Variants in MYO7A observed in about 807,000 individuals in gnomAD.
MYO7A encodes the protein myosin VIIA.
In MYO7A, 210 loss-of-function variants were observed where a neutral mutation model predicts 263.8. That is an observed-to-expected ratio of 0.80 (90% CI 0.71 to 0.89). The LOEUF is 0.89. Among genes scored for constraint, MYO7A ranks in the 40% least tolerant of loss-of-function variants. The pLI, the probability that MYO7A is intolerant of heterozygous loss-of-function variation, is 0.00. For synonymous variants in MYO7A, 1,239 were observed against 1,197.3 expected, an observed-to-expected ratio of 1.03 and a Z score of -0.72; for missense variants, 2,820 against 2,968.3, an observed-to-expected ratio of 0.95 and a Z score of 1.16.
intron 36 of MYO7A, 145 bp downstream of exon 36, chr11:77,201,783 G>A: frequency 1.0e-6 from 1 of 1,000,530 alleles, no homozygotes; most frequent in East Asian, 2.8e-5. Flanking sequence ...TTAAAGTTGG[G>A]GCAGTGCTCA....
chr11:77,191,447 T>C (rs974738535), intron 30 of MYO7A, among the ~76,000 whole-genome samples: 5 of 152,202 alleles, frequency 3.3e-5, no homozygotes, highest in Non-Finnish European at 7.3e-5. Context: ...AGGAAGAGCA[T>C]GGCACAGGCT....
chr11:77,168,382 C>T (rs1213179601), intron 15 of MYO7A, among the ~76,000 whole-genome samples: 1 of 152,240 alleles, frequency 6.6e-6, no homozygotes, highest in African/African-American at 2.4e-5. Context: ...ATACCAGTTA[C>T]ATCTACTGGG....
chr11:77,175,575 G>A, intron 18 of MYO7A, 111 bp downstream of exon 18: 1 of 1,037,748 alleles, frequency 9.6e-7, no homozygotes, highest in Non-Finnish European at 1.5e-6. Flanking sequence ...GATCCTTTCT[G>A]CCGGGCTGTG....
At chr11:77,129,999 G>A (rs535075304) in intron 1 of MYO7A, among the ~76,000 whole-genome samples, 16 of 152,030 alleles carry the variant, frequency 1.1e-4, no homozygotes, top group African/African-American at 3.6e-4. Flanking sequence ...GCCCAGGTGC[G>A]GTGCATTCAG....
chr11:77,177,707 C>T (rs1181713651), intron 19 of MYO7A, 64 bp downstream of exon 19: 9 of 1,335,458 alleles, frequency 6.7e-6, no homozygotes, highest in African/African-American at 1.5e-5. Context: ...TGGTGTTTGG[C>T]TCTCCTCTGC....
intron 3 of MYO7A, among the ~76,000 whole-genome samples, chr11:77,144,504 C>A (rs1458796130): frequency 6.6e-6 from 1 of 152,166 alleles, no homozygotes; most frequent in Non-Finnish European, 1.5e-5. Context: ...GTGGGCATGA[C>A]TGGCTGGCAG....
intron 4 of MYO7A, among the ~76,000 whole-genome samples, chr11:77,151,180 A>G (rs1951932225): frequency 1.3e-5 from 2 of 152,204 alleles, no homozygotes; most frequent in South Asian, 2.1e-4. Flanking sequence ...CCCTCACTGC[A>G]TGGTCCTAGA....
At chr11:77,158,532 G>A (rs1565347498) in intron 9 of MYO7A, 102 bp downstream of exon 9, 7 of 1,376,286 alleles carry the variant, frequency 5.1e-6, no homozygotes, top group South Asian at 3.0e-5. Context: ...GTCCTAGCAC[G>A]TGCCCTCTTT....
At chr11:77,197,113 C>T (rs542649113) in intron 32 of MYO7A, among the ~76,000 whole-genome samples, 13 of 152,220 alleles carry the variant, frequency 8.5e-5, no homozygotes, top group Non-Finnish European at 1.5e-4. Context: ...GCCCTGCCCA[C>T]GCCTCTGCTG....
intron 2 of MYO7A, among the ~76,000 whole-genome samples, chr11:77,140,698 G>A (rs1160372500): frequency 6.6e-6 from 1 of 152,216 alleles, no homozygotes; most frequent in Non-Finnish European, 1.5e-5. Flanking sequence ...GAGTGCAGCT[G>A]GGGCTTGGAC....
chr11:77,180,346 A>T, intron 21 of MYO7A, 28 bp from the exon 22 acceptor site: 1 of 1,595,142 alleles, frequency 6.3e-7, no homozygotes, highest in Non-Finnish European at 8.6e-7. Context: ...ACACATTTCC[A>T]TGCCCTCTGG....
At chr11:77,151,119 A>C (rs1951928962) in intron 4 of MYO7A, among the ~76,000 whole-genome samples, 1 of 152,152 alleles carries the variant, frequency 6.6e-6, no homozygotes, top group African/African-American at 2.4e-5. Flanking sequence ...GCCACACATC[A>C]GCCCCAGCCA....
Position 77,194,190 on chromosome 11 carries a change from A to G in MYO7A, c.4153-164A>G, listed in dbSNP as rs1956465931. 8.1e-6 allele frequency: 7 copies of G among 860,898 alleles called. No individual in the cohort carries two copies. In the East Asian group the frequency reaches 1.9e-4, roughly 23 times the overall value. The allele number at this position is 860,898 out of a possible 1,614,324, so 53.3% of individuals were successfully genotyped here. On this transcript the variant is annotated intron_variant, in intron 31 of 48. Coordinates refer to ENST00000409709, the MANE Select transcript of MYO7A (RefSeq NM_000260.4). ...GGGAGCTCATGGTTCCTCTGAGCAG[A>G]CAAGAATTCCCTGGTGAATCAGTGA... is the stretch of plus-strand genomic sequence containing the variant.
chr11:77,128,809 TTCTC>T (rs1950682403), intron 1 of MYO7A, among the ~76,000 whole-genome samples: 1 of 152,128 alleles, frequency 6.6e-6, no homozygotes, highest in African/African-American at 2.4e-5. Context: ...GAAGAGTCCG[TTCTC>T]TCTGTCTCCT....
chr11:77,211,310 G>T lies in MYO7A; in HGVS notation c.6210G>T (p.Arg2070=). The change falls in exon 45 of 49, where the codon CGG becomes CGT. Residue 2070 remains arginine (R), a synonymous_variant. Coordinates refer to ENST00000409709, the MANE Select transcript of MYO7A (RefSeq NM_000260.4). ...LRELVPQDLI[R]QVSPDDWKRS... ...AGCTGGTGCCCCAGGACCTTATCCG[G>T]CAGGTCTCACCTGATGACTGGAAGC... is the stretch of plus-strand genomic sequence containing the variant. 1 of 1,583,332 alleles carries T rather than the reference G, an allele frequency of 6.3e-7. No individual in the cohort carries two copies.
chr11:77,201,430 C>T lies in MYO7A; in HGVS notation c.4853-18C>T. On this transcript the variant is annotated intron_variant, in intron 35 of 48. Transcript: ENST00000409709. ...GCCTGTCTCTGCCCCCATGGTCCCA[C>T]TCACCTCTGCTCTACAGCAGGCGAG... 6.2e-7 allele frequency: 1 copy of T among 1,609,218 alleles called. No homozygotes were observed. Among genetic ancestry groups the T allele is most frequent in the East Asian group, 2.2e-5 (1 of 44,682 alleles).
chr11:77,206,284 C>T lies in MYO7A; in HGVS notation c.5742+82C>T, dbSNP rs1023825559. The T allele has an allele frequency of 8.5e-5, 90 of 1,057,698 alleles. No individual in the cohort carries two copies. In the South Asian group the frequency reaches 1.0e-3, roughly 12 times the overall value. The allele number at this position is 1,057,698 out of a possible 1,614,324, so 65.5% of individuals were successfully genotyped here. ...GTGGACACCAAAGGTGGCCTTAAGC[C>T]TCTCCCCCATCACCTGACATTTGCC... is the stretch of plus-strand genomic sequence containing the variant. On this transcript the variant is annotated intron_variant, in intron 41 of 48. Coordinates refer to ENST00000409709, the MANE Select transcript of MYO7A (RefSeq NM_000260.4).
intron 22 of MYO7A, 123 bp from the exon 23 acceptor site, chr11:77,181,257 A>G: frequency 1.2e-6 from 1 of 827,590 alleles, no homozygotes; most frequent in Non-Finnish European, 1.8e-6. Flanking sequence ...CATTCTTCCC[A>G]GCGGTCAGGA....
At chr11:77,160,414 A>T (rs1309004454) in intron 11 of MYO7A, 132 bp downstream of exon 11, 2 of 1,332,318 alleles carry the variant, frequency 1.5e-6, no homozygotes, top group African/African-American at 2.9e-5. Flanking sequence ...CCGGGGCTGC[A>T]GTCGGCCTTC....
Sources: allele counts gnomAD v4.1 joint callset (sites outside exome capture counted in the v4.1 genomes callset), GRCh38; gene constraint gnomAD v4.1.1; transcripts MANE v1.5; gene names NCBI Gene and HGNC (gene_info 2026-07-23, HGNC 2026-07-21).